Variants in DAPK1 observed in about 807,000 individuals in gnomAD.
DAPK1 encodes death associated protein kinase 1.
Under a neutral mutation model 144.9 loss-of-function variants are expected in DAPK1, and 56 were observed. That is an observed-to-expected ratio of 0.39 (90% confidence interval 0.31 to 0.48). The LOEUF (loss-of-function observed/expected upper bound fraction) is 0.48, where lower values mean the gene tolerates loss of function less well. Among genes scored for constraint, DAPK1 ranks in the 20% least tolerant of loss-of-function variants. DAPK1 has a pLI of 0.95. For missense variants in DAPK1, 1,454 were observed against 1,875.4 expected, an observed-to-expected ratio of 0.78 and a Z score of 4.15; for synonymous variants, 690 against 749.0, an observed-to-expected ratio of 0.92 and a Z score of 1.29.
intron 2 of DAPK1, among the ~76,000 whole-genome samples, chr9:87,601,633 T>C (rs1157374755): frequency 1.3e-5 from 2 of 152,042 alleles, no homozygotes; most frequent in Non-Finnish European, 2.9e-5. Context: ...ATAACTCCAG[T>C]TGTCGCAGAT....
At chr9:87,562,108 G>A (rs916097422) in intron 2 of DAPK1, among the ~76,000 whole-genome samples, 11 of 152,182 alleles carry the variant, frequency 7.2e-5, no homozygotes, top group Non-Finnish European at 1.5e-4. Context: ...GAGAGGGAAG[G>A]GGGTTGTGCA....
intron 2 of DAPK1, among the ~76,000 whole-genome samples, chr9:87,526,979 TGGG>T (rs757725446): frequency 4.7e-4 from 72 of 152,250 alleles, no homozygotes; most frequent in Non-Finnish European, 9.6e-4. Context: ...CCATTAGCAG[TGGG>T]GGCCAAGAAG....
chr9:87,607,069 A>G (rs1337916127), intron 3 of DAPK1, among the ~76,000 whole-genome samples: 1 of 149,458 alleles, frequency 6.7e-6, no homozygotes, highest in Non-Finnish European at 1.5e-5. Context: ...CCACCCTCGT[A>G]ACTGAGAACT....
At chr9:87,679,268 G>T (rs1353486761) in intron 19 of DAPK1, among the ~76,000 whole-genome samples, 1 of 152,144 alleles carries the variant, frequency 6.6e-6, no homozygotes, top group Non-Finnish European at 1.5e-5. Context: ...GCCACACATG[G>T]TGGGAAGAAG....
intron 2 of DAPK1, among the ~76,000 whole-genome samples, chr9:87,572,218 T>G (rs1363850783): frequency 6.6e-6 from 1 of 152,238 alleles, no homozygotes. Flanking sequence ...CCATGCCTTT[T>G]ATACATTAAC....
At chr9:87,562,765 G>A (rs1463962460) in intron 2 of DAPK1, among the ~76,000 whole-genome samples, 1 of 152,214 alleles carries the variant, frequency 6.6e-6, no homozygotes, top group Non-Finnish European at 1.5e-5. Context: ...CTTGCCAAGT[G>A]TAATTCATCA....
At chr9:87,659,725 G>A (rs1010598790) in intron 18 of DAPK1, among the ~76,000 whole-genome samples, 8 of 152,264 alleles carry the variant, frequency 5.3e-5, no homozygotes, top group African/African-American at 9.6e-5. Flanking sequence ...CAGGAAAAGC[G>A]TCTTCTGTCC....
rs993507848 is a variant in DAPK1, at chr9:87,707,752, A to G, written c.*388A>G. 4.6e-6 allele frequency: 2 copies of G among 436,578 alleles called. No homozygotes were observed. Among genetic ancestry groups the G allele is most frequent in the Non-Finnish European group, 8.9e-6 (2 of 225,254 alleles). 27.0% of individuals were successfully genotyped at this position (436,578 alleles called of 1,614,324 possible). The stretch of plus-strand genomic sequence containing the variant: ...TATTGATTGTCCTTTAAAAAAGAAA[A>G]GTGCATATTTATCCAAAATGTGTAT... On this transcript the variant is annotated 3_prime_UTR_variant, in exon 26 of 26. Coordinates refer to ENST00000408954, the MANE Select transcript of DAPK1 (RefSeq NM_004938.4). This position sits in a 1 kb window ranked among gnomAD's most constrained non-coding sequence, Gnocchi z 4.0.
chr9:87,633,094 G>T, intron 3 of DAPK1: 1 of 980,874 alleles, frequency 1.0e-6, no homozygotes, highest in Non-Finnish European at 1.2e-6. Flanking sequence ...TAGGAATGAA[G>T]GAGGATGAGT....
rs145194355 is a variant in DAPK1, at chr9:87,571,104, G to A, written c.63-33850G>A. Among the ~76,000 whole-genome samples the A allele has an allele frequency of 3.4e-3, 516 of 152,186 alleles. 4 individuals carry two copies. Among genetic ancestry groups the A allele is most frequent in the African/African-American group, 0.012 (500 of 41,538 alleles). On this transcript the variant is annotated intron_variant, in intron 2 of 25. Coordinates refer to ENST00000408954, the MANE Select transcript of DAPK1 (RefSeq NM_004938.4). ...GAAAATGTGGATGCCTCATGCCAAC[G>A]CCTGTTTTCTTTAGGCCTTGAGAAT...
chr9:87,498,051 C>T lies in DAPK1; in HGVS notation c.-165C>T, dbSNP rs1049128614. 1 of 397,832 alleles carries T rather than the reference C, an allele frequency of 2.5e-6. No individual in the cohort carries two copies. The highest frequency in any genetic ancestry group is 2.1e-5 in the African/African-American group (1 of 48,620). 24.6% of individuals were successfully genotyped at this position (397,832 alleles called of 1,614,324 possible). A position where few individuals can be genotyped will look rare whatever the true frequency, so the allele number is the denominator to read the frequency against. ...CCCGGCTAGTCTCCGGCGCTGGCGC[C>T]TATGGTCGGCCTCCGACAGCGCTCC... On this transcript the variant is annotated 5_prime_UTR_variant, in exon 1 of 26. Coordinates refer to ENST00000408954, the MANE Select transcript of DAPK1 (RefSeq NM_004938.4).
chr9:87,686,612 C>A lies in DAPK1; in HGVS notation c.2286C>A (p.Ser762Arg). ...GCENVSVRSR[S>R]MMFEPGLTKG... is the part of the protein sequence containing the mutation. Reference sequence around the variant, plus strand: ...AGAACGTGAGTGTGAGGAGCCGCAGCATGATGTTCGAGCCGGGTCTTACCA... The same window carrying A: ...AGAACGTGAGTGTGAGGAGCCGCAGAATGATGTTCGAGCCGGGTCTTACCA... Residue 762 changes from serine to arginine, a missense_variant, in exon 21 of 26, where the codon AGC (serine) becomes AGA (arginine). This residue lies in a region of DAPK1 where 1,025 missense variants were observed against 1,237.9 expected (regional missense o/e 0.83). Coordinates refer to ENST00000408954, the MANE Select transcript of DAPK1 (RefSeq NM_004938.4). This position sits in a 1 kb window ranked among gnomAD's most constrained non-coding sequence, Gnocchi z 4.2. 1 of 1,607,336 alleles carries A rather than the reference C, an allele frequency of 6.2e-7. No individual in the cohort carries two copies. The highest frequency in any genetic ancestry group is 8.5e-7 in the Non-Finnish European group (1 of 1,175,806).
chr9:87,498,829 G>A, intron 1 of DAPK1, 141 bp from the exon 2 acceptor site: 1 of 475,588 alleles, frequency 2.1e-6, no homozygotes, highest in East Asian at 3.1e-5. Context: ...CTTTAACAAA[G>A]GGTGCTCCTC....
In DAPK1 at chr9:87,590,937, C is replaced by T. The variant is rs1052616814; in HGVS notation, c.63-14017C>T. Among the ~76,000 whole-genome samples the T allele has an allele frequency of 2.0e-5, 3 of 152,308 alleles. No homozygotes were observed. The East Asian group carries it at 5.8e-4, about 29-fold the overall frequency. On this transcript the variant is annotated intron_variant, in intron 2 of 25. Transcript: ENST00000408954. ...CATACAAGACCTTGAGTCCTACTTT[C>T]CAGTTTCCCAATTTTTAGAAATCTG... is the stretch of plus-strand genomic sequence containing the variant.
chr9:87,575,663 G>A (rs1827530617), intron 2 of DAPK1, among the ~76,000 whole-genome samples: 1 of 152,214 alleles, frequency 6.6e-6, no homozygotes, highest in Non-Finnish European at 1.5e-5. Flanking sequence ...GCAGGGCTGA[G>A]TGGAAATTGT....
At chr9:87,660,189 C>T (rs938130432) in intron 18 of DAPK1, among the ~76,000 whole-genome samples, 1 of 152,072 alleles carries the variant, frequency 6.6e-6, no homozygotes, top group African/African-American at 2.4e-5. Context: ...GGCGTGGAGG[C>T]CCAGGAGATG....
In DAPK1 at chr9:87,525,216, T is replaced by G. The variant is rs797001110; in HGVS notation, c.62+26077T>G. Reference sequence around the variant, plus strand: ...AGTACCAGAACTTTCTGCGTCTGTTTTTCACCCTACCCAATGCAGTGCTTA... The same window carrying G: ...AGTACCAGAACTTTCTGCGTCTGTTGTTCACCCTACCCAATGCAGTGCTTA... On this transcript the variant is annotated intron_variant, in intron 2 of 25. Transcript: ENST00000408954. 1.5e-5 allele frequency: 14 copies of G among 941,136 alleles called. No homozygotes were observed. In the African/African-American group the frequency reaches 2.1e-4, roughly 14 times the overall value. The allele number at this position is 941,136 out of a possible 1,614,324, so 58.3% of individuals were successfully genotyped here. A position where few individuals can be genotyped will look rare whatever the true frequency, so the allele number is the denominator to read the frequency against.
At chr9:87,540,241 A>G (rs1044717763) in intron 2 of DAPK1, among the ~76,000 whole-genome samples, 3 of 133,786 alleles carry the variant, frequency 2.2e-5, no homozygotes, top group Non-Finnish European at 4.6e-5. Flanking sequence ...CCAGGCTGGA[A>G]TACAGTGGCA....
At chr9:87,565,491 A>G (rs192315605) in intron 2 of DAPK1, among the ~76,000 whole-genome samples, 19 of 152,318 alleles carry the variant, frequency 1.2e-4, no homozygotes, top group Admixed American at 2.6e-4. Flanking sequence ...ACTACAGGTC[A>G]TTGCAGCAGG....
Sources: gnomAD v4.1 joint callset for allele counts (sites outside exome capture counted in the v4.1 genomes callset) on GRCh38, gnomAD v4.1.1 for gene constraint, gnomAD v4.1.1 regional missense constraint, Gnocchi (gnomAD v3.1) non-coding constraint, MANE v1.5 for transcripts, NCBI Gene and HGNC (gene_info 2026-07-23, HGNC 2026-07-21) for gene names.